Variants in DNAJC5B observed in about 807,000 individuals in gnomAD.
DNAJC5B encodes dnaJ homolog subfamily C member 5B.
Under a neutral mutation model 24.7 loss-of-function variants are expected in DNAJC5B, and 23 were observed. The observed-to-expected ratio is 0.93, with a 90% CI of 0.67 to 1.32. The LOEUF (loss-of-function observed/expected upper bound fraction) is 1.32, where lower values mean the gene tolerates loss of function less well. DNAJC5B is among the 40% of genes most tolerant of loss of function. DNAJC5B has a pLI of 0.00. For synonymous variants in DNAJC5B, 101 were observed against 90.1 expected, an observed-to-expected ratio of 1.12 and a Z score of -0.68; for missense variants, 238 against 240.8, an observed-to-expected ratio of 0.99 and a Z score of 0.08.
chr8:66,015,656 G>A, the DNAJC5B span, among the ~76,000 whole-genome samples: 71,356 of 152,052 alleles, frequency 0.47, 21,527 homozygotes, highest in African/African-American at 0.86. Flanking sequence ...ATTAAATGGG[G>A]GCTCAGGTCA....
chr8:66,017,380 A>C (rs760005881), upstream of DNAJC5B, among the ~76,000 whole-genome samples: 1 of 152,184 alleles, frequency 6.6e-6, no homozygotes, highest in Admixed American at 6.5e-5. Context: ...TGTTTTGAGA[A>C]AATGTTATGA....
intron 3 of DNAJC5B, among the ~76,000 whole-genome samples, chr8:66,061,744 G>A (rs1170827911): frequency 6.6e-6 from 1 of 152,088 alleles, no homozygotes; most frequent in Non-Finnish European, 1.5e-5. Context: ...ATAATATGCT[G>A]AAAATTACAT....
intron 1 of DNAJC5B, among the ~76,000 whole-genome samples, chr8:66,023,217 T>A (rs761704079): frequency 2.0e-5 from 3 of 152,186 alleles, no homozygotes; most frequent in Non-Finnish European, 2.9e-5. Flanking sequence ...TGGTGGCCTC[T>A]CCAATACACT....
intron 4 of DNAJC5B, among the ~76,000 whole-genome samples, chr8:66,079,987 A>G (rs969703454): frequency 3.9e-5 from 6 of 152,148 alleles, no homozygotes; most frequent in African/African-American, 1.4e-4. Context: ...AGAATGATTC[A>G]GCTCCCCTGG....
chr8:66,083,172 C>T (rs966532899), intron 5 of DNAJC5B, among the ~76,000 whole-genome samples: 6 of 151,662 alleles, frequency 4.0e-5, no homozygotes, highest in Non-Finnish European at 7.4e-5. Flanking sequence ...CCACCACACC[C>T]GGCTAATTTT....
intron 1 of DNAJC5B, among the ~76,000 whole-genome samples, chr8:66,023,560 A>G (rs1806188421): frequency 6.6e-6 from 1 of 152,212 alleles, no homozygotes; most frequent in East Asian, 1.9e-4. Flanking sequence ...ACTTTATAAT[A>G]AATATACGGT....
rs756042009 is a variant in DNAJC5B at position 66,100,200 on chromosome 8, TTC to T, written c.*175_*176del. The T allele has an allele frequency of 7.3e-5, 41 of 564,594 alleles. No homozygotes were observed. Among genetic ancestry groups the T allele is most frequent in the Non-Finnish European group, 1.1e-4 (36 of 324,714 alleles). The allele number at this position is 564,594 out of a possible 1,614,324, so 35.0% of individuals were successfully genotyped here. On this transcript the variant is annotated 3_prime_UTR_variant, in exon 6 of 6. Coordinates refer to ENST00000276570, the MANE Select transcript of DNAJC5B (RefSeq NM_033105.6). Reference sequence around the variant, plus strand: ...ATATAATTTTCTCAGTATGCAGACTTTCTCTCTGAGTAGAATTTCTTATGAAA... The same window carrying T: ...ATATAATTTTCTCAGTATGCAGACTTTCTCTGAGTAGAATTTCTTATGAAA...
At chr8:66,059,815 C>T (rs1276675755) in intron 3 of DNAJC5B, among the ~76,000 whole-genome samples, 2 of 152,214 alleles carry the variant, frequency 1.3e-5, no homozygotes, top group Non-Finnish European at 2.9e-5. Flanking sequence ...TAGACATAAC[C>T]TTGGGTGCTA....
chr8:66,059,405 G>A (rs149999838), intron 3 of DNAJC5B, among the ~76,000 whole-genome samples: 53 of 152,304 alleles, frequency 3.5e-4, no homozygotes, highest in African/African-American at 1.1e-3. Context: ...TTAAACTGGT[G>A]TGTCTTGCCT....
chr8:66,038,625 C>T (rs1445313288), intron 1 of DNAJC5B, among the ~76,000 whole-genome samples: 3 of 152,156 alleles, frequency 2.0e-5, no homozygotes, highest in African/African-American at 7.2e-5. Context: ...AAAACATTCA[C>T]TAAAAAGGAC....
At chr8:66,053,829 A>G (rs1806905228) in intron 3 of DNAJC5B, among the ~76,000 whole-genome samples, 1 of 151,802 alleles carries the variant, frequency 6.6e-6, no homozygotes, top group East Asian at 1.9e-4. Context: ...GGGTTTCTCC[A>G]TGTTGGTCAG....
rs537134696 is a variant in DNAJC5B at position 66,052,580 on chromosome 8, G to A, written c.119+914G>A. Among the ~76,000 whole-genome samples, 13 of 152,256 alleles carry A rather than the reference G, an allele frequency of 8.5e-5. No homozygotes were observed. In the South Asian group the frequency reaches 1.0e-3, roughly 12 times the overall value. ...AAAAAAAATCATCTTCTTCTACACC[G>A]AAGTCTAGAAAGGCCTGTCAGTGAC... On this transcript the variant is annotated intron_variant, in intron 3 of 5. Transcript: ENST00000276570.
chr8:66,033,370 G>A (rs146367586), intron 1 of DNAJC5B, among the ~76,000 whole-genome samples: 6 of 152,200 alleles, frequency 3.9e-5, no homozygotes, highest in African/African-American at 7.2e-5. Flanking sequence ...TGGAAGGCCC[G>A]GGAAAGAGCT....
chr8:66,030,233 C>T (rs1025343909), intron 1 of DNAJC5B, among the ~76,000 whole-genome samples: 4 of 152,154 alleles, frequency 2.6e-5, no homozygotes, highest in Non-Finnish European at 4.4e-5. Flanking sequence ...TATTTAATGT[C>T]TGGTAGCTCA....
chr8:66,042,370 G>C (rs1255980588), intron 1 of DNAJC5B, among the ~76,000 whole-genome samples: 2 of 152,158 alleles, frequency 1.3e-5, no homozygotes, highest in African/African-American at 4.8e-5. Context: ...AATGGTTAAG[G>C]AGAGTGATTC....
chr8:66,083,509 T>A (rs775472411), intron 5 of DNAJC5B, among the ~76,000 whole-genome samples: 1 of 152,206 alleles, frequency 6.6e-6, no homozygotes. Flanking sequence ...ATAGAAGATA[T>A]AAGATTTGGA....
rs1230228313 is a variant in DNAJC5B at position 66,050,267 on chromosome 8, C to G, written c.-17-1264C>G. Among the ~76,000 whole-genome samples, 4 of 152,094 alleles carry G rather than the reference C, an allele frequency of 2.6e-5. No homozygotes were observed. The South Asian group carries it at 8.3e-4, about 32-fold the overall frequency. ...AATAGCACTTAGGAGTCCTGGGTGA[C>G]AGTGACCAAAACCTAGCTGAAACAC... On this transcript the variant is annotated intron_variant, in intron 2 of 5. Coordinates refer to ENST00000276570, the MANE Select transcript of DNAJC5B (RefSeq NM_033105.6).
At chr8:66,069,027 A>G (rs1807287048) in intron 3 of DNAJC5B, among the ~76,000 whole-genome samples, 1 of 151,998 alleles carries the variant, frequency 6.6e-6, no homozygotes, top group Non-Finnish European at 1.5e-5. Context: ...ATTTTTTTTT[A>G]GAGAAAACTG....
intron 1 of DNAJC5B, among the ~76,000 whole-genome samples, chr8:66,023,940 T>G (rs1806196393): frequency 1.3e-5 from 2 of 152,154 alleles, no homozygotes; most frequent in Admixed American, 1.3e-4. Context: ...CCAATTAAAT[T>G]TATTGCAAAT....
Sources: allele counts gnomAD v4.1 joint callset (sites outside exome capture counted in the v4.1 genomes callset), GRCh38; gene constraint gnomAD v4.1.1; transcripts MANE v1.5; gene names NCBI Gene and HGNC (gene_info 2026-07-23, HGNC 2026-07-21).